Variants in MYBPC1 observed in about 807,000 individuals in gnomAD.
MYBPC1 encodes the protein myosin-binding protein C, slow-type.
In MYBPC1, 52 loss-of-function variants were observed where a neutral mutation model predicts 147.1. That is an observed-to-expected ratio of 0.35 (90% CI 0.28 to 0.45). The LOEUF is 0.45. Among genes scored for constraint, MYBPC1 ranks in the 20% least tolerant of loss-of-function variants. MYBPC1 has a pLI of 1.00. For synonymous variants in MYBPC1, 477 were observed against 475.9 expected, an observed-to-expected ratio of 1.00 and a Z score of -0.03; for missense variants, 1,228 against 1,440.3, an observed-to-expected ratio of 0.85 and a Z score of 2.39.
Position 101,614,551 on chromosome 12 carries a change from C to T in MYBPC1, c.61+20C>T, listed in dbSNP as rs761995500. 2.5e-6 allele frequency: 4 copies of T among 1,612,512 alleles called. No homozygotes were observed. In the Admixed American group the frequency reaches 5.0e-5, roughly 20 times the overall value. Reference sequence around the variant, plus strand: ...CGGAAGGTGAGTAAAAACACTCACTCACACACGTTTGGGCTGCAAATACAG... The same window carrying T: ...CGGAAGGTGAGTAAAAACACTCACTTACACACGTTTGGGCTGCAAATACAG... On this transcript the variant is annotated intron_variant, in intron 2 of 31. Transcript: ENST00000361466.
At chr12:101,601,897 C>T (rs1880150870) in intron 1 of MYBPC1, among the ~76,000 whole-genome samples, 1 of 152,142 alleles carries the variant, frequency 6.6e-6, no homozygotes, top group Non-Finnish European at 1.5e-5. Flanking sequence ...ACTTAAAACT[C>T]AAAATGTGTC....
At chr12:101,691,955 A>C in the MYBPC1 span, among the ~76,000 whole-genome samples, 4 of 152,196 alleles carry the variant, frequency 2.6e-5, no homozygotes, top group Non-Finnish European at 4.4e-5. Flanking sequence ...TGTGGGAGTA[A>C]GAGGGATCAA....
intron 1 of MYBPC1, among the ~76,000 whole-genome samples, chr12:101,603,946 A>G (rs1402506843): frequency 6.6e-6 from 1 of 152,154 alleles, no homozygotes; most frequent in East Asian, 1.9e-4. Flanking sequence ...AATAATAACA[A>G]TAATAACTGA....
intron 28 of MYBPC1, among the ~76,000 whole-genome samples, 179 bp from the exon 29 acceptor site, chr12:101,680,164 T>C: frequency 6.6e-6 from 1 of 152,258 alleles, no homozygotes; most frequent in East Asian, 1.9e-4. Context: ...TTAGTTTGCT[T>C]ATTTGCCAAG....
intron 10 of MYBPC1, among the ~76,000 whole-genome samples, chr12:101,641,508 T>A (rs1892036861): frequency 6.6e-6 from 1 of 152,246 alleles, no homozygotes; most frequent in South Asian, 2.1e-4. Context: ...ATCTTATTTT[T>A]AACACATATA....
In MYBPC1 at chr12:101,649,269, T is replaced by G. The variant is rs978715688; in HGVS notation, c.1206T>G (p.Asn402Lys). The stretch of plus-strand genomic sequence containing the variant: ...TTTTATCTTAATTCAGGTTTAAGAA[T>G]GGTGAAGAGATTATCCCTGGTCCAA... ...EDDANVKWFK[N>K]GEEIIPGPKS... Residue 402 changes from asparagine (N) to lysine (K), a missense_variant, in exon 15 of 32, where the codon AAT becomes AAG. Physicochemically the swap from Asn to Lys is moderately conservative, Grantham distance 94. Around this residue, in one of 2 missense-constraint regions of MYBPC1, gnomAD observed 1,077 missense variants for 1,314.2 expected, o/e 0.82. Transcript: ENST00000361466. The G allele has an allele frequency of 1.2e-6, 2 of 1,613,372 alleles. No homozygotes were observed. The highest frequency in any genetic ancestry group is 1.7e-6 in the Non-Finnish European group (2 of 1,179,360).
chr12:101,606,466 A>ATTTTT (rs34796532), intron 1 of MYBPC1, among the ~76,000 whole-genome samples: 3,401 of 141,248 alleles, frequency 0.024, 174 homozygotes, highest in African/African-American at 0.085. Flanking sequence ...TCAATTTAGT[A>ATTTTT]TTTTTTTTTT....
In MYBPC1 at chr12:101,682,608, A is replaced by AGAG; in HGVS notation, c.3438_3439insGAG (p.Ile1146_Tyr1147insGlu). 6.2e-7 allele frequency: 1 copy of AGAG among 1,612,570 alleles called. No homozygotes were observed. Among genetic ancestry groups the AGAG allele is most frequent in the African/African-American group, 1.3e-5 (1 of 75,022 alleles). ...ACAAATATTCTGATTCTGCAGTGAT[A>AGAG]TATCAAGGAGTAAATACCCCTGGAC... On this transcript the variant is annotated inframe_insertion, in exon 30 of 32. Coordinates refer to ENST00000361466, the MANE Select transcript of MYBPC1 (RefSeq NM_002465.4).
At chr12:101,620,311 A>G (rs1281313864) in intron 3 of MYBPC1, among the ~76,000 whole-genome samples, 1 of 152,234 alleles carries the variant, frequency 6.6e-6, no homozygotes, top group Non-Finnish European at 1.5e-5. Flanking sequence ...TAGCAAATTG[A>G]TGGAACACTA....
Position 101,595,069 on chromosome 12 carries a change from C to T in MYBPC1, c.-2C>T, listed in dbSNP as rs886103227. ...TTTAAAGAATAACATCTTATTGTGG[C>T]CATGCCAGAACCCACTAAGAAAGAG... is the stretch of plus-strand genomic sequence containing the variant. On this transcript the variant is annotated 5_prime_UTR_variant, in exon 1 of 32. Transcript: ENST00000361466. 1.2e-6 allele frequency: 2 copies of T among 1,612,582 alleles called. No individual in the cohort carries two copies. Among genetic ancestry groups the T allele is most frequent in the East Asian group, 2.2e-5 (1 of 44,828 alleles).
intron 8 of MYBPC1, among the ~76,000 whole-genome samples, chr12:101,632,682 TA>T (rs1328355729): frequency 6.6e-6 from 1 of 152,184 alleles, no homozygotes; most frequent in East Asian, 1.9e-4. Flanking sequence ...ATTATAAACT[TA>T]AGGTGAATGT....
At chr12:101,613,822 T>C (rs1885078562) in intron 1 of MYBPC1, among the ~76,000 whole-genome samples, 1 of 152,158 alleles carries the variant, frequency 6.6e-6, no homozygotes, top group Admixed American at 6.5e-5. Flanking sequence ...CAGAAACAAC[T>C]CTGAGAGGGC....
At chr12:101,638,283 G>A (rs115904455) in intron 10 of MYBPC1, among the ~76,000 whole-genome samples, 2,401 of 152,290 alleles carry the variant, frequency 0.016, 52 homozygotes, top group African/African-American at 0.055. Context: ...CTACTGATGT[G>A]AGGAAAAGAA....
At chr12:101,601,598 C>T (rs1879990702) in intron 1 of MYBPC1, among the ~76,000 whole-genome samples, 1 of 152,198 alleles carries the variant, frequency 6.6e-6, no homozygotes, top group African/African-American at 2.4e-5. Flanking sequence ...AAGTCTAAAT[C>T]CACTTTGATA....
chr12:101,606,540 G>C (rs1213376291), intron 1 of MYBPC1, among the ~76,000 whole-genome samples: 1 of 150,306 alleles, frequency 6.7e-6, no homozygotes, highest in African/African-American at 2.5e-5. Flanking sequence ...CTGAGCTCAA[G>C]CAAGCCACCC....
At chr12:101,599,123 T>C (rs1878747134) in intron 1 of MYBPC1, among the ~76,000 whole-genome samples, 1 of 152,182 alleles carries the variant, frequency 6.6e-6, no homozygotes, top group South Asian at 2.1e-4. Flanking sequence ...AACTCAAACG[T>C]ATGGCCAATC....
chr12:101,690,789 G>A (rs1037171923), downstream of MYBPC1, among the ~76,000 whole-genome samples: 7 of 152,236 alleles, frequency 4.6e-5, no homozygotes, highest in African/African-American at 1.2e-4. Context: ...TTTTTAGAGA[G>A]GAGAGCAAAG....
At chr12:101,694,335 A>G in the MYBPC1 span, among the ~76,000 whole-genome samples, 1 of 152,212 alleles carries the variant, frequency 6.6e-6, no homozygotes, top group Non-Finnish European at 1.5e-5. Context: ...TGAAGTTTAT[A>G]TAAGTAAAAT....
At chr12:101,604,503 T>C (rs1286619188) in intron 1 of MYBPC1, among the ~76,000 whole-genome samples, 1 of 152,220 alleles carries the variant, frequency 6.6e-6, no homozygotes, top group Non-Finnish European at 1.5e-5. Flanking sequence ...TCTGCACAGC[T>C]AAAGGTTAAT....
Sources: allele counts gnomAD v4.1 joint callset (sites outside exome capture counted in the v4.1 genomes callset), GRCh38; gene constraint gnomAD v4.1.1; regional missense constraint gnomAD v4.1.1; transcripts MANE v1.5; gene names NCBI Gene and HGNC (gene_info 2026-07-23, HGNC 2026-07-21).